RBL1: variants seen among roughly 807,000 people sequenced by gnomAD.
RBL1 encodes the protein RB transcriptional corepressor like 1.
Under a neutral mutation model 123.0 loss-of-function variants are expected in RBL1, and 82 were observed. The ratio of observed to expected loss-of-function variants is 0.67; its 90% CI spans 0.56 to 0.80. The LOEUF is 0.80. Ranked by LOEUF, RBL1 falls within the 30% of genes least tolerant of loss-of-function variation. The pLI is 0.00. For synonymous variants in RBL1, 405 were observed against 441.3 expected (o/e 0.92, Z 1.03); for missense variants, 1,171 against 1,299.6 (o/e 0.90, Z 1.52).
In RBL1 at chr20:37,007,527, A is replaced by G; in HGVS notation, c.2755T>C (p.Ser919Pro). 6.2e-7 allele frequency: 1 copy of G among 1,613,962 alleles called. No homozygotes were observed. The highest frequency in any genetic ancestry group is 8.5e-7 in the Non-Finnish European group (1 of 1,179,952). ...CTTTCCTCTTTCACTGGTCCACTGG[A>G]ACAGTCAGGTGTTTTTGTAGCATCT... ...LEDATKTPDCSSGPVKEERGD... is the reference protein window; with the variant it reads ...LEDATKTPDCPSGPVKEERGD... Residue 919 changes from serine (S) to proline (P), a missense_variant, in exon 20 of 22, where the codon TCC becomes CCC. Physicochemically the swap from Ser to Pro is moderately conservative, Grantham distance 74. Transcript: ENST00000373664.
chr20:37,068,068 T>G lies in RBL1; in HGVS notation c.409A>C (p.Lys137Gln), dbSNP rs140360472. 33 of 1,613,718 alleles carry G rather than the reference T, an allele frequency of 2.0e-5. No individual in the cohort carries two copies. Among genetic ancestry groups the G allele is most frequent in the Non-Finnish European group, 2.7e-5 (32 of 1,179,926 alleles). ...TCTAAAAAAATTGGCTCATATTTTT[T>G]GAATATTACAGTAGACACCTCAAAA... ...RNFEVSTVIF[K>Q]KYEPIFLDIF... Residue 137 changes from lysine to glutamine, a missense_variant, in exon 3 of 22, where the codon AAA becomes CAA. Coordinates refer to ENST00000373664, the MANE Select transcript of RBL1 (RefSeq NM_002895.5).
chr20:37,020,127 C>T (rs1390136852), intron 18 of RBL1, among the ~76,000 whole-genome samples: 6 of 142,508 alleles, frequency 4.2e-5, no homozygotes, highest in Admixed American at 7.4e-5. Flanking sequence ...CTCGCTCTGT[C>T]GGCCAGGCTG....
At chr20:37,003,907 T>C in intron 20 of RBL1, 41 bp from the exon 21 acceptor site, 1 of 1,530,120 alleles carries the variant, frequency 6.5e-7, no homozygotes, top group African/African-American at 1.4e-5. Context: ...ATAAAAGTTT[T>C]TCTTTGTTTT....
intron 1 of RBL1, among the ~76,000 whole-genome samples, chr20:37,089,458 C>T (rs2065611662): frequency 6.6e-6 from 1 of 151,710 alleles, no homozygotes; most frequent in Non-Finnish European, 1.5e-5. Context: ...TAAGACTAGC[C>T]AGGGCAACGT....
In RBL1 at chr20:37,018,489, C is replaced by T. The variant is rs1047201479; in HGVS notation, c.2632-120G>A. The T allele has an allele frequency of 2.2e-6, 3 of 1,336,446 alleles. No individual in the cohort carries two copies. In the African/African-American group the frequency reaches 4.5e-5, roughly 20 times the overall value. The allele number at this position is 1,336,446 out of a possible 1,614,324, so 82.8% of individuals were successfully genotyped here. A position where few individuals can be genotyped will look rare whatever the true frequency, so the allele number is the denominator to read the frequency against. On this transcript the variant is annotated intron_variant, in intron 18 of 21. Coordinates refer to ENST00000373664, the MANE Select transcript of RBL1 (RefSeq NM_002895.5). ...AAACTATTTGTCTGTATAAGTGATACTCAAGGGTAAAATGTTATTAGCTCT... is the reference window on the plus strand; with the variant it reads ...AAACTATTTGTCTGTATAAGTGATATTCAAGGGTAAAATGTTATTAGCTCT...
At chr20:37,086,607 G>A (rs2065550538) in intron 2 of RBL1, among the ~76,000 whole-genome samples, 1 of 152,148 alleles carries the variant, frequency 6.6e-6, no homozygotes, top group African/African-American at 2.4e-5. Flanking sequence ...TTTCTGAATA[G>A]GGCTTTAAAC....
intron 19 of RBL1, among the ~76,000 whole-genome samples, chr20:37,007,924 T>C (rs1171059730): frequency 4.6e-5 from 7 of 152,186 alleles, no homozygotes; most frequent in Admixed American, 1.3e-4. Context: ...GTTGGTGATT[T>C]AAATGACCTT....
intron 9 of RBL1, among the ~76,000 whole-genome samples, chr20:37,060,535 A>G (rs970365765): frequency 6.6e-6 from 1 of 152,110 alleles, no homozygotes; most frequent in Non-Finnish European, 1.5e-5. Context: ...CTGTAATCCC[A>G]GCAGTTTGGA....
At chr20:37,008,618 C>A (rs1317782993) in intron 19 of RBL1, among the ~76,000 whole-genome samples, 1 of 152,156 alleles carries the variant, frequency 6.6e-6, no homozygotes, top group Non-Finnish European at 1.5e-5. Context: ...GCTAAGAAAA[C>A]CACTACCAAT....
intron 16 of RBL1, among the ~76,000 whole-genome samples, chr20:37,025,111 G>T (rs1268885220): frequency 1.3e-5 from 2 of 152,212 alleles, no homozygotes; most frequent in Non-Finnish European, 2.9e-5. Flanking sequence ...AGAAGACAAA[G>T]AATGGTTGTA....
At chr20:37,017,620 T>TTGTGTGTGTGTG (rs147347259) in intron 19 of RBL1, among the ~76,000 whole-genome samples, 9,249 of 139,674 alleles carry the variant, frequency 0.066, 544 homozygotes, top group African/African-American at 0.15. Flanking sequence ...GGACATTTTC[T>TTGTGTGTGTGTG]TGTGTGTGTG....
chr20:37,082,004 C>T (rs1442312263), intron 2 of RBL1: 1 of 456,174 alleles, frequency 2.2e-6, no homozygotes, highest in South Asian at 1.5e-5. Context: ...GTCAACTGGC[C>T]AGGAGACATA....
chr20:37,078,930 T>C (rs889635144), intron 2 of RBL1, among the ~76,000 whole-genome samples: 3 of 152,028 alleles, frequency 2.0e-5, no homozygotes, highest in Admixed American at 6.6e-5. Context: ...ACTGAAGATG[T>C]AACTGTCATG....
At chr20:37,049,817 C>T in intron 11 of RBL1, 1 of 440,896 alleles carries the variant, frequency 2.3e-6, no homozygotes, top group Non-Finnish European at 4.0e-6. Flanking sequence ...AATCCCGGCA[C>T]TTTGGGAGGC....
intron 16 of RBL1, 65 bp downstream of exon 16, chr20:37,032,600 T>G: frequency 1.3e-6 from 2 of 1,581,582 alleles, no homozygotes; most frequent in Non-Finnish European, 1.7e-6. Context: ...AAAGTCTGTC[T>G]CTGTTACTCA....
At chr20:37,053,982 A>G (rs1454955596) in intron 11 of RBL1, among the ~76,000 whole-genome samples, 1 of 151,774 alleles carries the variant, frequency 6.6e-6, no homozygotes, top group Non-Finnish European at 1.5e-5. Context: ...ACAGTTCAGT[A>G]TTTTTATTTT....
chr20:37,087,196 G>A lies in RBL1; in HGVS notation c.290+1793C>T, dbSNP rs568030721. ...CGAAAAATACAAAAATTAGCTGGGC[G>A]TGGTGGCACATGCCTGTAGTCCCAG... On this transcript the variant is annotated intron_variant, in intron 2 of 21. Coordinates refer to ENST00000373664, the MANE Select transcript of RBL1 (RefSeq NM_002895.5). Among the ~76,000 whole-genome samples the A allele has an allele frequency of 2.3e-4, 35 of 152,224 alleles. No homozygotes were observed. The South Asian group carries it at 2.7e-3, about 12-fold the overall frequency.
In RBL1 at chr20:37,062,152, C is replaced by T. The variant is rs1248384366; in HGVS notation, c.1015G>A (p.Asp339Asn). The T allele has an allele frequency of 6.2e-7, 1 of 1,614,062 alleles. No homozygotes were observed. Among genetic ancestry groups the T allele is most frequent in the African/African-American group, 1.3e-5 (1 of 74,936 alleles). ...EIGTPRKFTR[D>N]TPLGKLTAQA... Reference sequence around the variant, plus strand: ...GCTGTCAGTTTCCCTAATGGGGTGTCACGAGTGAACTTTCGAGGTGTTCCA... The same window carrying T: ...GCTGTCAGTTTCCCTAATGGGGTGTTACGAGTGAACTTTCGAGGTGTTCCA... The change falls in exon 8 of 22, where the codon GAC (aspartate) becomes AAC (asparagine). Residue 339 changes from aspartate to asparagine, a missense_variant. Coordinates refer to ENST00000373664, the MANE Select transcript of RBL1 (RefSeq NM_002895.5).
At chr20:37,071,061 AT>A (rs2065275083) in intron 2 of RBL1, among the ~76,000 whole-genome samples, 1 of 151,866 alleles carries the variant, frequency 6.6e-6, no homozygotes, top group African/African-American at 2.4e-5. Flanking sequence ...TGCCTAGCTA[AT>A]TTTTGTATTT....
Sources: gnomAD v4.1 joint callset for allele counts (sites outside exome capture counted in the v4.1 genomes callset) on GRCh38, gnomAD v4.1.1 for gene constraint, MANE v1.5 for transcripts, NCBI Gene and HGNC (gene_info 2026-07-23, HGNC 2026-07-21) for gene names.